Variants in DENND1B observed in about 807,000 individuals in gnomAD.
The protein encoded by DENND1B is DENN domain containing 1B.
DENND1B carries 59 observed loss-of-function variants against 90.1 expected under a neutral mutation model. The observed-to-expected ratio is 0.65, with a 90% CI of 0.53 to 0.81. The LOEUF is 0.81. Among genes scored for constraint, DENND1B ranks in the 40% least tolerant of loss-of-function variants. The pLI, the probability that DENND1B is intolerant of heterozygous loss-of-function variation, is 0.00. For synonymous variants in DENND1B, 337 were observed against 324.6 expected (o/e 1.04, Z -0.41); for missense variants, 862 against 912.6 (o/e 0.94, Z 0.71).
At chr1:197,599,311 G>A (rs889160754) in intron 13 of DENND1B, among the ~76,000 whole-genome samples, 1 of 151,698 alleles carries the variant, frequency 6.6e-6, no homozygotes, top group Non-Finnish European at 1.5e-5. Flanking sequence ...TTCTAGATAT[G>A]CTTTTGCAGT....
rs543887117 is a variant in DENND1B, at chr1:197,546,013, T to C, written c.1282-23A>G. 1.5e-5 allele frequency: 23 copies of C among 1,577,150 alleles called. No homozygotes were observed. The East Asian group carries it at 4.3e-4, about 30-fold the overall frequency. ...TTTCTGCAAAAGAAAAACAGAAACA[T>C]ATTTCCAAAAACTTTTAGCTAAAAT... On this transcript the variant is annotated intron_variant, in intron 17 of 22. Coordinates refer to ENST00000620048, the MANE Select transcript of DENND1B (RefSeq NM_001195215.2).
intron 3 of DENND1B, among the ~76,000 whole-genome samples, chr1:197,707,331 G>C (rs192291743): frequency 3.9e-5 from 6 of 152,052 alleles, no homozygotes; most frequent in African/African-American, 1.4e-4. Flanking sequence ...TAGATAGGAG[G>C]AATGGTGTTC....
intron 13 of DENND1B, 142 bp downstream of exon 13, chr1:197,606,931 G>A: frequency 1.6e-6 from 1 of 621,906 alleles, no homozygotes; most frequent in South Asian, 2.0e-5. Context: ...ATTAAATATA[G>A]AATCAACATT....
intron 3 of DENND1B, chr1:197,689,342 G>A (rs1657605354): frequency 6.6e-6 from 1 of 152,012 alleles, no homozygotes; most frequent in Admixed American, 6.6e-5. Context: ...ACAGTATGGG[G>A]GAGACTGCCC....
At chr1:197,575,017 A>C (rs1434509527) in intron 15 of DENND1B, among the ~76,000 whole-genome samples, 2 of 152,226 alleles carry the variant, frequency 1.3e-5, no homozygotes, top group Non-Finnish European at 2.9e-5. Context: ...ACCATTCAGG[A>C]CATAGGCATG....
intron 7 of DENND1B, among the ~76,000 whole-genome samples, chr1:197,647,686 C>T (rs543977217): frequency 1.2e-4 from 18 of 152,218 alleles, no homozygotes; most frequent in Admixed American, 1.0e-3. Flanking sequence ...CAGTGGCTCA[C>T]GCCTGTAATC....
At chr1:197,673,499 A>C (rs1655739164) in intron 4 of DENND1B, among the ~76,000 whole-genome samples, 1 of 152,118 alleles carries the variant, frequency 6.6e-6, no homozygotes, top group African/African-American at 2.4e-5. Context: ...ATAGAGTATA[A>C]AAATCACATG....
chr1:197,599,900 T>C (rs1311435401), intron 13 of DENND1B, among the ~76,000 whole-genome samples: 2 of 151,866 alleles, frequency 1.3e-5, no homozygotes, highest in African/African-American at 4.8e-5. Flanking sequence ...CAAAGGTCTT[T>C]AACAAGAACT....
intron 2 of DENND1B, among the ~76,000 whole-genome samples, chr1:197,770,829 T>G (rs1656478151): frequency 1.0e-5 from 1 of 96,870 alleles, no homozygotes; most frequent in African/African-American, 3.2e-5. Context: ...TGTAAATATA[T>G]ATCTATAAAT....
Position 197,715,079 on chromosome 1 carries a change from A to C in DENND1B, c.83-5T>G. 6.2e-7 allele frequency: 1 copy of C among 1,609,804 alleles called. No homozygotes were observed. The highest frequency in any genetic ancestry group is 2.2e-5 in the East Asian group (1 of 44,696). Reference sequence around the variant, plus strand: ...ATTTCCACAATACCACAGGATCTGTAAATAATTGACATGTATAATTAAACA... The same window carrying C: ...ATTTCCACAATACCACAGGATCTGTCAATAATTGACATGTATAATTAAACA... On this transcript the variant is annotated splice_polypyrimidine_tract_variant and splice_region_variant and intron_variant, in intron 2 of 22. Coordinates refer to ENST00000620048, the MANE Select transcript of DENND1B (RefSeq NM_001195215.2).
intron 15 of DENND1B, among the ~76,000 whole-genome samples, chr1:197,556,142 G>A (rs1671697599): frequency 6.6e-6 from 1 of 151,990 alleles, no homozygotes; most frequent in Non-Finnish European, 1.5e-5. Context: ...AAAGTGGGAA[G>A]TAAACATTGG....
At chr1:197,597,888 C>T (rs567860706) in intron 13 of DENND1B, among the ~76,000 whole-genome samples, 10 of 151,838 alleles carry the variant, frequency 6.6e-5, no homozygotes, top group African/African-American at 2.4e-4. Context: ...TAAACAGACA[C>T]TGTATTTAGA....
chr1:197,511,027 GTTC>G, intron 22 of DENND1B, 55 bp from the exon 23 acceptor site: 1 of 1,406,050 alleles, frequency 7.1e-7, no homozygotes. Flanking sequence ...CATTAATTTA[GTTC>G]TTTTTTCTCT....
intron 14 of DENND1B, among the ~76,000 whole-genome samples, chr1:197,587,257 AAAGT>A (rs1412976779): frequency 2.0e-5 from 3 of 152,210 alleles, no homozygotes; most frequent in Non-Finnish European, 2.9e-5. Context: ...CATTCACAGA[AAAGT>A]AAGTAAACAT....
intron 14 of DENND1B, among the ~76,000 whole-genome samples, chr1:197,591,875 C>T (rs1488768573): frequency 6.6e-6 from 1 of 151,978 alleles, no homozygotes; most frequent in East Asian, 1.9e-4. Context: ...CTCTGGGAGG[C>T]CGAGGCAGGT....
intron 20 of DENND1B, among the ~76,000 whole-genome samples, chr1:197,518,964 A>G (rs1304996957): frequency 1.3e-5 from 2 of 151,904 alleles, no homozygotes; most frequent in Non-Finnish European, 2.9e-5. Flanking sequence ...ACAGGTCTGC[A>G]CCATTCATAG....
chr1:197,573,844 G>A (rs1372126485), intron 15 of DENND1B, among the ~76,000 whole-genome samples: 1 of 152,096 alleles, frequency 6.6e-6, no homozygotes, highest in Non-Finnish European at 1.5e-5. Context: ...GAACCAATGA[G>A]AGAAACCACA....
chr1:197,750,750 T>C (rs1221134906), intron 2 of DENND1B, among the ~76,000 whole-genome samples: 1 of 152,106 alleles, frequency 6.6e-6, no homozygotes, highest in Non-Finnish European at 1.5e-5. Flanking sequence ...CACAAGCAAA[T>C]TTCTGAAAAC....
intron 16 of DENND1B, among the ~76,000 whole-genome samples, chr1:197,550,600 G>T (rs1300590290): frequency 6.6e-6 from 1 of 151,434 alleles, no homozygotes; most frequent in East Asian, 1.9e-4. Flanking sequence ...CTCATAGGTG[G>T]GAATTGAACA....
Sources: allele counts gnomAD v4.1 joint callset (sites outside exome capture counted in the v4.1 genomes callset), GRCh38; gene constraint gnomAD v4.1.1; transcripts MANE v1.5; gene names NCBI Gene and HGNC (gene_info 2026-07-23, HGNC 2026-07-21).